The following STARD13 variants were observed in gnomAD, a reference collection of about 807,000 sequenced individuals.
STARD13 encodes stAR-related lipid transfer protein 13.
A neutral mutation model predicts 106.4 loss-of-function variants in STARD13; 62 were observed. That is an observed-to-expected ratio of 0.58 (90% CI 0.48 to 0.72). The LOEUF is 0.72. Ranked by LOEUF, STARD13 falls within the 30% of genes least tolerant of loss-of-function variation. STARD13 has a pLI of 0.00. For synonymous variants in STARD13, 565 were observed against 553.0 expected, an observed-to-expected ratio of 1.02 and a Z score of -0.31; for missense variants, 1,387 against 1,424.0, an observed-to-expected ratio of 0.97 and a Z score of 0.42.
chr13:33,112,739 T>C lies in STARD13; in HGVS notation c.2474A>G (p.Lys825Arg), dbSNP rs918447584. Residue 825 changes from lysine to arginine, a missense_variant, in exon 9 of 14, where the codon AAG (lysine) becomes AGG (arginine). By Grantham distance (26) the Lys-to-Arg change is conservative (BLOSUM62 2). Transcript: ENST00000336934. ...APSLFHLNLLKKESSPRVIQK... is the reference protein window; with the variant it reads ...APSLFHLNLLRKESSPRVIQK... ...AACCCACCGTGGAGAGCTTTCTTTC[T>C]TCAATAAATTAAGATGAAAGAGGGA... 1 of 1,600,200 alleles carries C rather than the reference T, an allele frequency of 6.2e-7. No individual in the cohort carries two copies. Among genetic ancestry groups the C allele is most frequent in the Non-Finnish European group, 8.5e-7 (1 of 1,174,102 alleles).
At chr13:33,161,813 G>A (rs1882662560) in intron 3 of STARD13, among the ~76,000 whole-genome samples, 1 of 152,142 alleles carries the variant, frequency 6.6e-6, no homozygotes, top group African/African-American at 2.4e-5. Context: ...CACATGTGTG[G>A]GAAGGCCTCA....
the STARD13 span, among the ~76,000 whole-genome samples, chr13:33,428,536 T>C: frequency 3.9e-5 from 6 of 152,024 alleles, no homozygotes; most frequent in South Asian, 1.2e-3. Context: ...AAAGAAGACA[T>C]ACAAATGGCC....
chr13:33,307,034 T>C (rs762693192), intron 1 of STARD13, among the ~76,000 whole-genome samples: 2 of 152,000 alleles, frequency 1.3e-5, no homozygotes, highest in Non-Finnish European at 2.9e-5. Context: ...ACATTTATGC[T>C]GCCAGCAAAC....
chr13:33,423,284 G>T, the STARD13 span, among the ~76,000 whole-genome samples: 1 of 152,108 alleles, frequency 6.6e-6, no homozygotes, highest in South Asian at 2.1e-4. Flanking sequence ...GTGGGCAAAG[G>T]ATATGAACAG....
At chr13:33,369,428 C>T in the STARD13 span, among the ~76,000 whole-genome samples, 1 of 152,180 alleles carries the variant, frequency 6.6e-6, no homozygotes, top group Non-Finnish European at 1.5e-5. Flanking sequence ...CATTTCAGTG[C>T]ACTTGACGTT....
chr13:33,373,984 A>G, the STARD13 span, among the ~76,000 whole-genome samples: 1 of 152,166 alleles, frequency 6.6e-6, no homozygotes, highest in Admixed American at 6.5e-5. Context: ...AGATATTTAC[A>G]CACATATCCA....
At chr13:33,302,845 AGTTCTGATATATT>A (rs1892771630) in intron 1 of STARD13, among the ~76,000 whole-genome samples, 1 of 152,236 alleles carries the variant, frequency 6.6e-6, no homozygotes. Context: ...CCTAAAGTAT[AGTTCTGATATATT>A]GTTCCTTCTA....
the STARD13 span, among the ~76,000 whole-genome samples, chr13:33,375,801 T>C: frequency 2.0e-5 from 3 of 152,132 alleles, no homozygotes; most frequent in Non-Finnish European, 4.4e-5. Context: ...GTCTCAGGTA[T>C]GTTTTTATTA....
intron 1 of STARD13, among the ~76,000 whole-genome samples, chr13:33,281,755 A>G (rs76583531): frequency 0.016 from 2,418 of 152,320 alleles, 60 homozygotes; most frequent in African/African-American, 0.056. Flanking sequence ...TTTCACTTAT[A>G]TGAGGTACTT....
the STARD13 span, among the ~76,000 whole-genome samples, chr13:33,376,933 G>A: frequency 1.7e-4 from 26 of 152,308 alleles, no homozygotes; most frequent in Admixed American, 3.3e-4. Flanking sequence ...AGACAGGCCT[G>A]GGGCCACTGT....
chr13:33,358,196 C>T, the STARD13 span, among the ~76,000 whole-genome samples: 1 of 152,338 alleles, frequency 6.6e-6, no homozygotes, highest in South Asian at 2.1e-4. Flanking sequence ...GATTTCTCGC[C>T]GGGCCTTAGC....
the STARD13 span, among the ~76,000 whole-genome samples, chr13:33,541,626 A>G: frequency 0.016 from 2,420 of 152,302 alleles, 58 homozygotes; most frequent in African/African-American, 0.054. Flanking sequence ...CTTTCAAAAT[A>G]TCTACTTAAA....
At chr13:33,476,550 C>A in the STARD13 span, among the ~76,000 whole-genome samples, 2 of 152,246 alleles carry the variant, frequency 1.3e-5, no homozygotes, top group African/African-American at 4.8e-5. Flanking sequence ...TTTACCATTA[C>A]CATTTTTGTA....
intron 7 of STARD13, among the ~76,000 whole-genome samples, chr13:33,123,943 C>T (rs1233526479): frequency 4.6e-5 from 7 of 152,198 alleles, no homozygotes; most frequent in Admixed American, 4.6e-4. Flanking sequence ...TGCGGATGTT[C>T]TCGTCTTCTG....
In STARD13 at chr13:33,129,053, A is replaced by C. The variant is rs1409283734; in HGVS notation, c.1624T>G (p.Ser542Ala). 7 of 1,614,098 alleles carry C rather than the reference A, an allele frequency of 4.3e-6. No individual in the cohort carries two copies. The highest frequency in any genetic ancestry group is 5.9e-6 in the Non-Finnish European group (7 of 1,180,032). The change falls in exon 5 of 14, where the codon TCA (serine) becomes GCA (alanine). Residue 542 changes from serine to alanine, a missense_variant. By Grantham distance (99) the Ser-to-Ala change is moderately conservative. Transcript: ENST00000336934. ...ITLDFEGNSV[S>A]EGRTTPSDVE... ...TCACTGGGTGTCGTCCGACCTTCTG[A>C]GACAGAGTTACCTTCAAAATCTAAG...
chr13:33,607,186 T>A, the STARD13 span, among the ~76,000 whole-genome samples: 1 of 152,014 alleles, frequency 6.6e-6, no homozygotes, highest in African/African-American at 2.4e-5. Flanking sequence ...TGATTTTTAA[T>A]TTTAAAGCAC....
At chr13:33,436,995 C>G in the STARD13 span, among the ~76,000 whole-genome samples, 1 of 152,146 alleles carries the variant, frequency 6.6e-6, no homozygotes, top group Non-Finnish European at 1.5e-5. Flanking sequence ...TTCAGTCTGA[C>G]TACCATATTC....
At chr13:33,454,713 T>A in the STARD13 span, among the ~76,000 whole-genome samples, 1 of 152,226 alleles carries the variant, frequency 6.6e-6, no homozygotes, top group African/African-American at 2.4e-5. Flanking sequence ...TGAAAAGTTC[T>A]ATGCAAGAGA....
chr13:33,607,256 GTTT>G, the STARD13 span, among the ~76,000 whole-genome samples: 1 of 150,404 alleles, frequency 6.6e-6, no homozygotes, highest in African/African-American at 2.4e-5. Context: ...AAAACATGGT[GTTT>G]AAGATTACGA....
Sources: allele counts gnomAD v4.1 joint callset (sites outside exome capture counted in the v4.1 genomes callset), GRCh38; gene constraint gnomAD v4.1.1; transcripts MANE v1.5; gene names NCBI Gene and HGNC (gene_info 2026-07-23, HGNC 2026-07-21).